The following CHD7 variants were observed in gnomAD, a reference collection of about 807,000 sequenced individuals.
CHD7 encodes the protein chromodomain helicase DNA binding protein 7.
In CHD7, 24 loss-of-function variants were observed where a neutral mutation model predicts 307.3. That is an observed-to-expected ratio of 0.08 (90% CI 0.06 to 0.11). The LOEUF is 0.11. Ranked by LOEUF, CHD7 falls within the 10% of genes least tolerant of loss-of-function variation. The pLI is 1.00. For synonymous variants in CHD7, 1,363 were observed against 1,349.9 expected (o/e 1.01, Z -0.21); for missense variants, 3,106 against 3,727.1 (o/e 0.83, Z 4.34).
chr8:60,783,968 G>T (rs1023463464), intron 3 of CHD7, among the ~76,000 whole-genome samples: 10 of 152,222 alleles, frequency 6.6e-5, no homozygotes, highest in Non-Finnish European at 1.2e-4. Flanking sequence ...TAACAAACCA[G>T]ACCATTATTT....
chr8:60,794,254 T>C (rs986293179), intron 3 of CHD7, among the ~76,000 whole-genome samples: 2 of 152,216 alleles, frequency 1.3e-5, no homozygotes, highest in African/African-American at 4.8e-5. Flanking sequence ...GTTTATGTCT[T>C]TTGTCTTATA....
At chr8:60,679,938 C>T (rs1805504620) in intron 1 of CHD7, 1 of 151,952 alleles carries the variant, frequency 6.6e-6, no homozygotes, top group African/African-American at 2.4e-5. Context: ...TGGGGCTCCC[C>T]GGCGGCTCCC....
At position 60,851,281 on chromosome 8, in the gene CHD7, C is replaced by T. The variant is rs865985700; in HGVS notation, c.5627C>T (p.Ser1876Leu). ...DEIDEFANSP[S>L]EDKEESMEIH... ...TTCAAGGAATTTGCAAATTCTCCTT[C>T]AGAGGATAAGGAAGAATCCATGGAA... Residue 1876 changes from serine (S) to leucine (L), a missense_variant, in exon 28 of 38, where the codon TCA (serine) becomes TTA (leucine). Around this residue, in one of 10 missense-constraint regions of CHD7, gnomAD observed 1,030 missense variants for 1,165.4 expected, o/e 0.88. Transcript: ENST00000423902. 2.6e-6 allele frequency: 4 copies of T among 1,557,530 alleles called. No individual in the cohort carries two copies. Among genetic ancestry groups the T allele is most frequent in the Non-Finnish European group, 2.6e-6 (3 of 1,149,818 alleles).
chr8:60,841,614 C>T, intron 19 of CHD7, 30 bp from the exon 20 acceptor site: 1 of 1,556,632 alleles, frequency 6.4e-7, no homozygotes, highest in South Asian at 1.1e-5. Flanking sequence ...AAAGGCCTCT[C>T]AAAGTAATGC....
rs528130317 is a variant in CHD7, at chr8:60,852,050, C to T, written c.5697C>T (p.Gly1899=). ...GKHSESNAEL[G]QLYWPNTSTL... ...ACAGTGAGAGTAATGCTGAGTTAGG[C>T]CAACTTTACTGGCCTAACACTTCAA... is the stretch of plus-strand genomic sequence containing the variant. Residue 1899 remains glycine, a synonymous_variant, in exon 29 of 38, where the codon GGC becomes GGT. Coordinates refer to ENST00000423902, the MANE Select transcript of CHD7 (RefSeq NM_017780.4). 6.2e-7 allele frequency: 1 copy of T among 1,613,552 alleles called. No homozygotes were observed. Among genetic ancestry groups the T allele is most frequent in the Non-Finnish European group, 8.5e-7 (1 of 1,179,696 alleles).
At chr8:60,746,534 CAG>C (rs1186810859) in intron 2 of CHD7, among the ~76,000 whole-genome samples, 2 of 152,158 alleles carry the variant, frequency 1.3e-5, no homozygotes, top group Non-Finnish European at 2.9e-5. Flanking sequence ...TACCAGGTAT[CAG>C]GGAAGATACC....
At chr8:60,846,044 T>C (rs1805196046) in intron 23 of CHD7, among the ~76,000 whole-genome samples, 1 of 152,256 alleles carries the variant, frequency 6.6e-6, no homozygotes, top group South Asian at 2.1e-4. Flanking sequence ...ATTTCATTCC[T>C]GTTTATGGCT....
intron 2 of CHD7, among the ~76,000 whole-genome samples, chr8:60,760,820 C>A (rs1194178670): frequency 6.6e-6 from 1 of 152,024 alleles, no homozygotes; most frequent in East Asian, 1.9e-4. Flanking sequence ...GTTAGAATGG[C>A]AATCATTAAA....
chr8:60,718,459 A>C (rs747985548), intron 1 of CHD7, among the ~76,000 whole-genome samples: 1 of 152,112 alleles, frequency 6.6e-6, no homozygotes, highest in Non-Finnish European at 1.5e-5. Context: ...TGGGAGACAG[A>C]GTGAGACTCC....
rs777744183 is a variant in CHD7, at chr8:60,845,291, G to T, written c.5092G>T (p.Val1698Leu). 1 of 1,613,760 alleles carries T rather than the reference G, an allele frequency of 6.2e-7. No homozygotes were observed. The highest frequency in any genetic ancestry group is 8.5e-7 in the Non-Finnish European group (1 of 1,179,664). The change falls in exon 23 of 38, where the codon GTG becomes TTG. Residue 1698 changes from valine (V) to leucine (L), a missense_variant. Val to Leu is a conservative substitution (Grantham distance 32). Around this residue, in one of 10 missense-constraint regions of CHD7, gnomAD observed 1,030 missense variants for 1,165.4 expected, o/e 0.88. Coordinates refer to ENST00000423902, the MANE Select transcript of CHD7 (RefSeq NM_017780.4). The stretch of plus-strand genomic sequence containing the variant: ...GCCAAGGGGAAGGAAGGGAAAGAAG[G>T]TGAAAGCCCAGAGCACACAGCCGGT... The part of the protein sequence containing the change: ...PVPRGRKGKK[V>L]KAQSTQPVVQ...
intron 2 of CHD7, among the ~76,000 whole-genome samples, chr8:60,758,797 A>G (rs150110128): frequency 6.6e-6 from 1 of 152,356 alleles, no homozygotes; most frequent in East Asian, 1.9e-4. Flanking sequence ...TGAGCAGCAG[A>G]TATCCTTCAT....
Position 60,780,485 on chromosome 8 carries a change from G to C in CHD7, c.1666-515G>C, listed in dbSNP as rs535800823. Among the ~76,000 whole-genome samples, 6 of 152,300 alleles carry C rather than the reference G, an allele frequency of 3.9e-5. No individual in the cohort carries two copies. The East Asian group carries it at 1.2e-3, about 29-fold the overall frequency. On this transcript the variant is annotated intron_variant, in intron 2 of 37. Transcript: ENST00000423902. ...ATGTTGTTTAAACCAGAAATGACTT[G>C]TATTGTATTAGATTTATGTGTTATG...
intron 1 of CHD7, among the ~76,000 whole-genome samples, chr8:60,717,504 C>T (rs540311775): frequency 6.6e-6 from 1 of 152,274 alleles, no homozygotes; most frequent in Admixed American, 6.5e-5. Flanking sequence ...TTTACTGTTA[C>T]TTTCCTTTTG....
At chr8:60,813,862 A>G (rs1338822482) in intron 7 of CHD7, among the ~76,000 whole-genome samples, 4 of 151,592 alleles carry the variant, frequency 2.6e-5, no homozygotes, top group Non-Finnish European at 2.9e-5. Context: ...AATATTTACT[A>G]CTTTGCACTG....
rs1425597358 is a variant in CHD7 at position 60,853,109 on chromosome 8, T to G, written c.6384T>G (p.His2128Gln). ...CTGAGTTATCCTTCTTGGATGCACA[T>G]AAAAACTTTGCTCAAAACAGAGGGG... ...NDPELSFLDA[H>Q]KNFAQNRGAG... is the part of the protein sequence containing the mutation. The change falls in exon 31 of 38, where the codon CAT becomes CAG. Residue 2128 changes from histidine (H) to glutamine (Q), a missense_variant. His to Gln is a conservative substitution (Grantham distance 24). Around this residue, in one of 10 missense-constraint regions of CHD7, gnomAD observed 1,030 missense variants for 1,165.4 expected, o/e 0.88. Transcript: ENST00000423902. The G allele has an allele frequency of 6.2e-7, 1 of 1,613,918 alleles. No homozygotes were observed. Among genetic ancestry groups the G allele is most frequent in the East Asian group, 2.2e-5 (1 of 44,886 alleles).
chr8:60,686,635 CT>C (rs1334064967), intron 1 of CHD7, among the ~76,000 whole-genome samples: 3 of 152,176 alleles, frequency 2.0e-5, no homozygotes, highest in Admixed American at 6.5e-5. Flanking sequence ...AAATAGCCAT[CT>C]GCTGCTGAGC....
intron 2 of CHD7, among the ~76,000 whole-genome samples, chr8:60,761,646 C>T (rs188175519): frequency 2.6e-5 from 4 of 151,778 alleles, no homozygotes; most frequent in South Asian, 4.2e-4. Context: ...GGATGTTCAT[C>T]CAGGCTTCCC....
chr8:60,779,264 A>T (rs1002629530), intron 2 of CHD7, among the ~76,000 whole-genome samples: 13 of 152,280 alleles, frequency 8.5e-5, no homozygotes, highest in African/African-American at 2.9e-4. Flanking sequence ...TAGGGCCTGG[A>T]CTTGAATTTT....
rs367615733 is a variant in CHD7 at position 60,853,496 on chromosome 8, C to G, written c.6771C>G (p.Pro2257=). 2.6e-6 allele frequency: 4 copies of G among 1,510,792 alleles called. No homozygotes were observed. The highest frequency in any genetic ancestry group is 4.5e-5 in the East Asian group (2 of 43,980). The allele number at this position is 1,510,792 out of a possible 1,614,324, so 93.6% of individuals were successfully genotyped here. Reference sequence around the variant, plus strand: ...ATAAGTCGGAAGAGTCTTCCCAGCCCGAAGGTAAGGCCTTACCACTGGCCC... The same window carrying G: ...ATAAGTCGGAAGAGTCTTCCCAGCCGGAAGGTAAGGCCTTACCACTGGCCC... ...DDDKSEESSQ[P]EAGAVSRGKN... Residue 2257 remains proline, a synonymous_variant, in exon 31 of 38, where the codon CCC becomes CCG. Transcript: ENST00000423902.
Sources: gnomAD v4.1 joint callset for allele counts (sites outside exome capture counted in the v4.1 genomes callset) on GRCh38, gnomAD v4.1.1 for gene constraint, gnomAD v4.1.1 regional missense constraint, MANE v1.5 for transcripts, NCBI Gene and HGNC (gene_info 2026-07-23, HGNC 2026-07-21) for gene names.